CEP57L1: variants seen among roughly 807,000 people sequenced by gnomAD.
The protein encoded by CEP57L1 is centrosomal protein 57 like 1.
A neutral mutation model predicts 61.0 loss-of-function variants in CEP57L1; 37 were observed. The ratio of observed to expected loss-of-function variants is 0.61; its 90% confidence interval spans 0.47 to 0.80. The LOEUF is 0.80. CEP57L1 is among the 30% of genes least tolerant of loss of function. The pLI is 0.00. For synonymous variants in CEP57L1, 137 were observed against 162.3 expected, an observed-to-expected ratio of 0.84 and a Z score of 1.19; for missense variants, 422 against 524.7, an observed-to-expected ratio of 0.80 and a Z score of 1.91.
In CEP57L1 at chr6:109,167,193, C is replaced by T. The variant is rs975546400; in HGVS notation, c.*4223C>T. On this transcript the variant is annotated 3_prime_UTR_variant, in exon 11 of 11. Transcript: ENST00000517392. ...CTTGTTTTCATGTAACTTTGTCTTT[C>T]AATTCGTTTTTGTTTTTTTTTTCCT... 2.6e-5 allele frequency among the ~76,000 whole-genome samples: 2 copies of T among 77,914 alleles called. No individual in the cohort carries two copies. Among genetic ancestry groups the T allele is most frequent in the Non-Finnish European group, 2.4e-5 (1 of 41,728 alleles). 51.1% of individuals were successfully genotyped at this position (77,914 alleles called of 152,430 possible).
intron 7 of CEP57L1, 195 bp downstream of exon 7, chr6:109,156,072 A>T (rs964023235): frequency 1.5e-5 from 6 of 404,808 alleles, no homozygotes; most frequent in African/African-American, 1.3e-4. Context: ...AGGTTAAAAA[A>T]AGTAGCAGCA....
chr6:109,135,602 GA>G (rs1259334339), intron 1 of CEP57L1, among the ~76,000 whole-genome samples: 51 of 152,282 alleles, frequency 3.3e-4, no homozygotes, highest in African/African-American at 1.2e-3. Flanking sequence ...CCCAGCAAAA[GA>G]AACTACCATC....
rs185769885 is a variant in CEP57L1 at position 109,134,261 on chromosome 6, C to T, written c.-3-10958C>T. On this transcript the variant is annotated intron_variant, in intron 1 of 10. Coordinates refer to ENST00000517392, the MANE Select transcript of CEP57L1 (RefSeq NM_001271852.3). ...TGGGATGCAAGGCTGGTTCAACATACACAAATCAATAAATGTAATCCAGCA... is the reference window on the plus strand; with the variant it reads ...TGGGATGCAAGGCTGGTTCAACATATACAAATCAATAAATGTAATCCAGCA... Among the ~76,000 whole-genome samples the T allele has an allele frequency of 8.3e-3, 1,257 of 152,156 alleles. 22 individuals are homozygous for T. Among genetic ancestry groups the T allele is most frequent in the African/African-American group, 0.029 (1,208 of 41,526 alleles).
chr6:109,135,644 GA>G (rs1237269292), intron 1 of CEP57L1, among the ~76,000 whole-genome samples: 6 of 151,790 alleles, frequency 4.0e-5, no homozygotes, highest in Non-Finnish European at 8.8e-5. Context: ...AGAATGGGAG[GA>G]AATTTTTGCA....
chr6:109,171,150 G>A lies in CEP57L1; in HGVS notation c.*8180G>A, dbSNP rs1040032020. On this transcript the variant is annotated 3_prime_UTR_variant, in exon 11 of 11. Transcript: ENST00000517392. ...CAGAATGGCTCTCAAGTCGAAAGAG[G>A]GCTGTGCCTTTGGTGTTTGGGTATG... Among the ~76,000 whole-genome samples the A allele has an allele frequency of 2.0e-5, 3 of 151,930 alleles. No individual in the cohort carries two copies. The highest frequency in any genetic ancestry group is 7.3e-5 in the African/African-American group (3 of 41,340).
intron 1 of CEP57L1, among the ~76,000 whole-genome samples, chr6:109,101,431 A>T (rs1384671591): frequency 6.6e-6 from 1 of 152,120 alleles, no homozygotes; most frequent in Non-Finnish European, 1.5e-5. Flanking sequence ...CAGTTTGCTT[A>T]TTCACCTTTT....
At chr6:109,126,275 A>G (rs946152634) in intron 1 of CEP57L1, among the ~76,000 whole-genome samples, 1 of 152,210 alleles carries the variant, frequency 6.6e-6, no homozygotes, top group African/African-American at 2.4e-5. Flanking sequence ...CTTCCAACAG[A>G]TATTTGTATA....
At chr6:109,158,740 G>C (rs944556806) in intron 7 of CEP57L1, 3 of 516,282 alleles carry the variant, frequency 5.8e-6, no homozygotes, top group Non-Finnish European at 1.1e-5. Context: ...TATTTTCTCT[G>C]TGTGCTTGCC....
chr6:109,133,277 C>G (rs1774407134), intron 1 of CEP57L1, among the ~76,000 whole-genome samples: 1 of 152,066 alleles, frequency 6.6e-6, no homozygotes, highest in Admixed American at 6.6e-5. Flanking sequence ...CAGTTTCACC[C>G]TAGATCATTC....
rs548301372 is a variant in CEP57L1, at chr6:109,167,973, T to C, written c.*5003T>C. Among the ~76,000 whole-genome samples the C allele has an allele frequency of 8.5e-5, 13 of 152,350 alleles. No individual in the cohort carries two copies. The South Asian group carries it at 2.1e-3, about 24-fold the overall frequency. ...GTCTTGAGGAGAGATAAGATGTATA[T>C]ATATTTAAAAGGAAGAAAACAGTAA... On this transcript the variant is annotated 3_prime_UTR_variant, in exon 11 of 11. Coordinates refer to ENST00000517392, the MANE Select transcript of CEP57L1 (RefSeq NM_001271852.3).
intron 2 of CEP57L1, among the ~76,000 whole-genome samples, 175 bp from the exon 3 acceptor site, chr6:109,146,583 A>G (rs1247904400): frequency 6.6e-6 from 1 of 152,036 alleles, no homozygotes; most frequent in African/African-American, 2.4e-5. Context: ...TAGAGAGAAA[A>G]TGTGCGCCTC....
At chr6:109,125,734 A>T (rs989855031) in intron 1 of CEP57L1, among the ~76,000 whole-genome samples, 1 of 150,692 alleles carries the variant, frequency 6.6e-6, no homozygotes, top group African/African-American at 2.5e-5. Context: ...ATTGATTGAT[A>T]GACGGGTGGA....
intron 1 of CEP57L1, among the ~76,000 whole-genome samples, chr6:109,143,996 A>G (rs1162664035): frequency 6.6e-6 from 1 of 152,166 alleles, no homozygotes; most frequent in Non-Finnish European, 1.5e-5. Flanking sequence ...TGAGGGAACA[A>G]CAACTTAGAT....
At chr6:109,113,533 C>T (rs1212155284) in intron 1 of CEP57L1, among the ~76,000 whole-genome samples, 1 of 152,062 alleles carries the variant, frequency 6.6e-6, no homozygotes, top group Non-Finnish European at 1.5e-5. Context: ...TATTTAATAG[C>T]ATCAGAAAAA....
intron 1 of CEP57L1, among the ~76,000 whole-genome samples, chr6:109,120,912 GCACACACACACACACACACACA>G (rs71747421): frequency 0.017 from 2,259 of 133,558 alleles, 30 homozygotes; most frequent in Non-Finnish European, 0.023. Flanking sequence ...TTAGACACAC[GCACACACACACACACACACACA>G]CACACACACA....
chr6:109,101,999 C>T (rs961373246), intron 1 of CEP57L1, among the ~76,000 whole-genome samples: 7 of 152,152 alleles, frequency 4.6e-5, no homozygotes, highest in African/African-American at 1.7e-4. Context: ...CCCACCTTTG[C>T]CAGGATTTGG....
At chr6:109,153,231 C>CA (rs1242025865) in intron 4 of CEP57L1, among the ~76,000 whole-genome samples, 1 of 79,000 alleles carries the variant, frequency 1.3e-5, no homozygotes, top group African/African-American at 4.5e-5. Flanking sequence ...CTAATCTGCA[C>CA]TTTTTTTTTT....
At chr6:109,106,283 T>C (rs1009706060) in intron 1 of CEP57L1, among the ~76,000 whole-genome samples, 2 of 152,150 alleles carry the variant, frequency 1.3e-5, no homozygotes, top group Admixed American at 1.3e-4. Context: ...ATCTAGATTA[T>C]CTTGGGTTGT....
At chr6:109,104,569 G>C (rs1046858378) in intron 1 of CEP57L1, among the ~76,000 whole-genome samples, 1 of 151,660 alleles carries the variant, frequency 6.6e-6, no homozygotes, top group Non-Finnish European at 1.5e-5. Context: ...GTGTTTTTTT[G>C]TTTGTTTTTT....
Sources: allele counts gnomAD v4.1 joint callset (sites outside exome capture counted in the v4.1 genomes callset), GRCh38; gene constraint gnomAD v4.1.1; transcripts MANE v1.5; gene names NCBI Gene and HGNC (gene_info 2026-07-23, HGNC 2026-07-21).